GRM3: variants seen among roughly 807,000 people sequenced by gnomAD.
The protein encoded by GRM3 is glutamate metabotropic receptor 3, also known as metabotropic glutamate receptor 3.
GRM3 carries 26 observed loss-of-function variants against 70.5 expected under a neutral mutation model. The ratio of observed to expected loss-of-function variants is 0.37; its 90% CI spans 0.27 to 0.51. GRM3 has a LOEUF of 0.51. Ranked by LOEUF, GRM3 falls within the 20% of genes least tolerant of loss-of-function variation. The pLI is 0.93. For synonymous variants in GRM3, 443 were observed against 434.9 expected (o/e 1.02, Z -0.23); for missense variants, 859 against 1,123.8 (o/e 0.76, Z 3.37).
chr7:86,655,145 T>C (rs986289527), intron 1 of GRM3, among the ~76,000 whole-genome samples: 1 of 152,222 alleles, frequency 6.6e-6, no homozygotes, highest in Non-Finnish European at 1.5e-5. Flanking sequence ...GAATATCTAG[T>C]CTACCCAGAC....
intron 3 of GRM3, among the ~76,000 whole-genome samples, chr7:86,837,811 C>T (rs999914877): frequency 6.6e-6 from 1 of 152,188 alleles, no homozygotes; most frequent in Admixed American, 6.5e-5. Flanking sequence ...CACAGGCAAG[C>T]CTACCATGAG....
chr7:86,778,345 T>C (rs1796950403), intron 2 of GRM3, among the ~76,000 whole-genome samples: 1 of 152,170 alleles, frequency 6.6e-6, no homozygotes, highest in African/African-American at 2.4e-5. Flanking sequence ...AGCCAATAAC[T>C]GTAAAACTTC....
intron 4 of GRM3, among the ~76,000 whole-genome samples, chr7:86,840,145 C>A (rs1236666612): frequency 6.6e-6 from 1 of 152,072 alleles, no homozygotes; most frequent in Admixed American, 6.6e-5. Flanking sequence ...ATGATACGGT[C>A]ATTTACCCAA....
intron 1 of GRM3, among the ~76,000 whole-genome samples, chr7:86,715,390 T>C (rs536234701): frequency 2.7e-4 from 41 of 152,108 alleles, no homozygotes; most frequent in African/African-American, 8.4e-4. Context: ...GATAGGCACA[T>C]TTCTTAACCT....
intron 1 of GRM3, among the ~76,000 whole-genome samples, chr7:86,722,615 G>A (rs1473372480): frequency 6.7e-6 from 1 of 148,328 alleles, no homozygotes; most frequent in Non-Finnish European, 1.5e-5. Context: ...GGGGGTGGGG[G>A]GCTAGGAGAG....
chr7:86,753,877 G>A (rs1038464884), intron 1 of GRM3, among the ~76,000 whole-genome samples: 11 of 152,222 alleles, frequency 7.2e-5, no homozygotes, highest in Middle Eastern at 3.4e-3. Flanking sequence ...TGTGATGTAA[G>A]CGCTCTCACC....
intron 1 of GRM3, among the ~76,000 whole-genome samples, chr7:86,707,980 C>T (rs1308887613): frequency 1.3e-5 from 2 of 152,068 alleles, no homozygotes; most frequent in Non-Finnish European, 2.9e-5. Flanking sequence ...AAATGAGAAG[C>T]GTGAATTACA....
chr7:86,675,068 G>A (rs1202490212), intron 1 of GRM3, among the ~76,000 whole-genome samples: 7 of 152,098 alleles, frequency 4.6e-5, no homozygotes, highest in African/African-American at 1.2e-4. Context: ...AGCTCACTGA[G>A]GGCAACATAT....
At chr7:86,775,307 C>T (rs752751571) in intron 2 of GRM3, 2 of 152,022 alleles carry the variant, frequency 1.3e-5, no homozygotes, top group Non-Finnish European at 2.9e-5. Flanking sequence ...AATAAAAACA[C>T]AAGTACTTAG....
chr7:86,721,249 T>C (rs184808412), intron 1 of GRM3, among the ~76,000 whole-genome samples: 102 of 152,188 alleles, frequency 6.7e-4, no homozygotes, highest in South Asian at 3.9e-3. Flanking sequence ...ATTTAACAGA[T>C]GAAAGCTTTT....
intron 1 of GRM3, among the ~76,000 whole-genome samples, chr7:86,713,479 GT>G (rs1256374337): frequency 6.6e-6 from 1 of 151,888 alleles, no homozygotes; most frequent in East Asian, 1.9e-4. Flanking sequence ...TGTGCTAACA[GT>G]TTCCCCATGA....
chr7:86,645,388 G>A (rs535368980), intron 1 of GRM3, among the ~76,000 whole-genome samples: 108 of 152,298 alleles, frequency 7.1e-4, no homozygotes, highest in Non-Finnish European at 1.2e-3. Flanking sequence ...TTGCCCTCCC[G>A]CAAGCAGGGT....
intron 3 of GRM3, among the ~76,000 whole-genome samples, chr7:86,823,582 ATTTTTT>A (rs35792615): frequency 1.5e-3 from 64 of 43,118 alleles, no homozygotes; most frequent in African/African-American, 5.9e-3. Flanking sequence ...TGTGTGAGGT[ATTTTTT>A]TTTTTTTTTT....
At chr7:86,688,125 G>A (rs1012619602) in intron 1 of GRM3, among the ~76,000 whole-genome samples, 11 of 151,026 alleles carry the variant, frequency 7.3e-5, no homozygotes, top group African/African-American at 2.4e-4. Flanking sequence ...TTTACACCTC[G>A]AATATAATTT....
intron 1 of GRM3, among the ~76,000 whole-genome samples, chr7:86,698,350 A>C (rs1366108067): frequency 1.3e-5 from 2 of 151,796 alleles, no homozygotes; most frequent in African/African-American, 4.8e-5. Flanking sequence ...CCTTCCTTAA[A>C]AGGTAACTTA....
At chr7:86,737,091 C>G (rs1795879438) in intron 1 of GRM3, among the ~76,000 whole-genome samples, 2 of 151,906 alleles carry the variant, frequency 1.3e-5, no homozygotes, top group African/African-American at 4.8e-5. Flanking sequence ...AATGGCCAAA[C>G]TCAGCTGCTA....
At chr7:86,698,246 G>A (rs1794863121) in intron 1 of GRM3, among the ~76,000 whole-genome samples, 1 of 151,990 alleles carries the variant, frequency 6.6e-6, no homozygotes, top group African/African-American at 2.4e-5. Flanking sequence ...TTATGACAAA[G>A]AACAACTGTG....
At chr7:86,799,567 C>A (rs1415688406) in intron 3 of GRM3, among the ~76,000 whole-genome samples, 1 of 152,082 alleles carries the variant, frequency 6.6e-6, no homozygotes, top group African/African-American at 2.4e-5. Context: ...CACTCTGTCG[C>A]CCAGGCTGGA....
chr7:86,673,680 A>C (rs1259317132), intron 1 of GRM3, among the ~76,000 whole-genome samples: 1 of 152,056 alleles, frequency 6.6e-6, no homozygotes, highest in Non-Finnish European at 1.5e-5. Flanking sequence ...TGGTACATCT[A>C]TTCAAGACAT....
Sources: gnomAD v4.1 joint callset for allele counts (sites outside exome capture counted in the v4.1 genomes callset) on GRCh38, gnomAD v4.1.1 for gene constraint, MANE v1.5 for transcripts, NCBI Gene and HGNC (gene_info 2026-07-23, HGNC 2026-07-21) for gene names.